WASF3: variants seen among roughly 807,000 people sequenced by gnomAD.
The protein encoded by WASF3 is actin-binding protein WASF3.
WASF3 carries 11 observed loss-of-function variants against 46.6 expected under a neutral mutation model. The ratio of observed to expected loss-of-function variants is 0.24; its 90% CI spans 0.15 to 0.39. WASF3 has a LOEUF of 0.39. WASF3 is among the 10% of genes least tolerant of loss of function. The probability of loss-of-function intolerance (pLI) is 1.00; values close to 1 mark genes in which losing one functional copy is unlikely to be tolerated. For synonymous variants in WASF3, 242 were observed against 259.7 expected (o/e 0.93, Z 0.65); for missense variants, 576 against 669.8 (o/e 0.86, Z 1.55).
chr13:26,662,333 C>T (rs761436043), intron 3 of WASF3, among the ~76,000 whole-genome samples: 7 of 152,108 alleles, frequency 4.6e-5, no homozygotes, highest in African/African-American at 9.7e-5. Context: ...GATCATTTTA[C>T]CAAAAAGACA....
At chr13:26,616,830 A>G (rs941382725) in intron 2 of WASF3, among the ~76,000 whole-genome samples, 5 of 152,174 alleles carry the variant, frequency 3.3e-5, no homozygotes, top group African/African-American at 9.7e-5. Flanking sequence ...TGCCATTCCA[A>G]TTGTCATCAG....
At position 26,687,631 on chromosome 13, in the gene WASF3, A is replaced by C. The variant is rs1357615863; in HGVS notation, c.*1786A>C. 1 of 151,862 alleles carries C rather than the reference A, an allele frequency of 6.6e-6. No individual in the cohort carries two copies. 9.4% of individuals were successfully genotyped at this position (151,862 alleles called of 1,614,324 possible). A position where few individuals can be genotyped will look rare whatever the true frequency, so the allele number is the denominator to read the frequency against. On this transcript the variant is annotated 3_prime_UTR_variant, in exon 10 of 10. Transcript: ENST00000335327. ...CGTCCTCTTCAGCGTCTTTTCCTAG[A>C]GCTGGTCACCACTAGGCTGTCACTA... is the stretch of plus-strand genomic sequence containing the variant.
chr13:26,681,400 T>A, intron 8 of WASF3, 80 bp downstream of exon 8: 1 of 1,470,256 alleles, frequency 6.8e-7, no homozygotes, highest in Non-Finnish European at 9.1e-7. Context: ...GAATTTTAAC[T>A]CCGGTATTTT....
At chr13:26,584,166 T>C (rs1329979470) in intron 1 of WASF3, among the ~76,000 whole-genome samples, 1 of 152,228 alleles carries the variant, frequency 6.6e-6, no homozygotes, top group Non-Finnish European at 1.5e-5. Context: ...CATCATAGAT[T>C]AATCACTTAG....
intron 2 of WASF3, among the ~76,000 whole-genome samples, chr13:26,614,303 A>G (rs1881068967): frequency 6.6e-6 from 1 of 152,218 alleles, no homozygotes; most frequent in Admixed American, 6.5e-5. Context: ...GTAATTTTTC[A>G]GGAATGTATC....
the WASF3 span, among the ~76,000 whole-genome samples, chr13:26,549,307 A>C: frequency 2.6e-5 from 4 of 151,988 alleles, no homozygotes; most frequent in African/African-American, 9.7e-5. Flanking sequence ...TTCTTGACTC[A>C]TGAGTATTGC....
At chr13:26,648,440 GGT>G (rs937955195) in intron 3 of WASF3, among the ~76,000 whole-genome samples, 6 of 152,118 alleles carry the variant, frequency 3.9e-5, no homozygotes, top group Non-Finnish European at 8.8e-5. Flanking sequence ...GAAATTTGGA[GGT>G]GTGTTAATTG....
At position 26,682,868 on chromosome 13, in the gene WASF3, G is replaced by A. The variant is rs148684191; in HGVS notation, c.1245G>A (p.Ser415=). 91 of 1,609,832 alleles carry A rather than the reference G, an allele frequency of 5.7e-5. No individual in the cohort carries two copies. The highest frequency in any genetic ancestry group is 1.6e-4 in the Middle Eastern group (1 of 6,080). The change falls in exon 9 of 10, where the codon TCG becomes TCA. Residue 415 remains serine, a synonymous_variant. Transcript: ENST00000335327. This position sits in a 1 kb window ranked among gnomAD's most constrained non-coding sequence, Gnocchi z 4.4. Reference sequence around the variant, plus strand: ...CTCCTGGTCCCGGGTCTTCTCTTTCGTCCTCCCCAATGCATGGCCCCCCAG... The same window carrying A: ...CTCCTGGTCCCGGGTCTTCTCTTTCATCCTCCCCAATGCATGGCCCCCCAG... The part of the protein sequence containing the change: ...PGPPGPGSSL[S]SSPMHGPPVA...
chr13:26,661,122 T>C (rs893657723), intron 3 of WASF3, among the ~76,000 whole-genome samples: 1 of 152,174 alleles, frequency 6.6e-6, no homozygotes, highest in African/African-American at 2.4e-5. Flanking sequence ...ACCTCCAACA[T>C]TGGGGATCAC....
At chr13:26,604,735 T>C (rs1350159546) in intron 1 of WASF3, among the ~76,000 whole-genome samples, 1 of 152,114 alleles carries the variant, frequency 6.6e-6, no homozygotes, top group Non-Finnish European at 1.5e-5. Flanking sequence ...CAGAGAAAAA[T>C]ACAAAGTAGT....
rs778704714 is a variant in WASF3, at chr13:26,637,704, A to G, written c.-10-4557A>G. On this transcript the variant is annotated intron_variant, in intron 2 of 9. Coordinates refer to ENST00000335327, the MANE Select transcript of WASF3 (RefSeq NM_006646.6). ...TCTGCATTATTGCCTTGGACATGAA[A>G]GGTATCCCTTCATTTGGACATTTTC... Among the ~76,000 whole-genome samples, 23 of 152,222 alleles carry G rather than the reference A, an allele frequency of 1.5e-4. 1 individual carries two copies. Among genetic ancestry groups the G allele is most frequent in the Non-Finnish European group, 2.6e-4 (18 of 68,044 alleles).
At chr13:26,579,632 A>C (rs549815134) in intron 1 of WASF3, among the ~76,000 whole-genome samples, 2 of 152,320 alleles carry the variant, frequency 1.3e-5, no homozygotes, top group South Asian at 4.1e-4. Context: ...TTCCTGAAAG[A>C]GAAAAAATAA....
At chr13:26,541,672 G>A in the WASF3 span, among the ~76,000 whole-genome samples, 2 of 151,420 alleles carry the variant, frequency 1.3e-5, no homozygotes, top group African/African-American at 4.9e-5. Context: ...TAGAAGAAAT[G>A]AGATCTCACT....
At chr13:26,635,361 A>G (rs1881786051) in intron 2 of WASF3, among the ~76,000 whole-genome samples, 1 of 152,098 alleles carries the variant, frequency 6.6e-6, no homozygotes, top group Non-Finnish European at 1.5e-5. Context: ...TCTTCTATAC[A>G]TTGTTTATTC....
At chr13:26,684,920 A>T (rs184975135) in intron 9 of WASF3, among the ~76,000 whole-genome samples, 1 of 152,136 alleles carries the variant, frequency 6.6e-6, no homozygotes, top group Non-Finnish European at 1.5e-5. Flanking sequence ...CTATCTCTAC[A>T]AAAAAGAAAA....
intron 3 of WASF3, among the ~76,000 whole-genome samples, chr13:26,645,652 A>G (rs1391709747): frequency 6.6e-6 from 1 of 152,052 alleles, no homozygotes; most frequent in South Asian, 2.1e-4. Context: ...ATTCTTTTAC[A>G]CACGTTGTCT....
chr13:26,670,469 A>ATG (rs977067469), intron 5 of WASF3, among the ~76,000 whole-genome samples: 1 of 152,166 alleles, frequency 6.6e-6, no homozygotes, highest in Non-Finnish European at 1.5e-5. Context: ...TGTTCTAAAC[A>ATG]TGTATCCCAG....
At chr13:26,607,851 G>T (rs973449225) in intron 1 of WASF3, among the ~76,000 whole-genome samples, 3 of 152,034 alleles carry the variant, frequency 2.0e-5, no homozygotes, top group Non-Finnish European at 2.9e-5. Context: ...GCCCAGGCTG[G>T]TCTCAAACTC....
chr13:26,618,201 C>T (rs981503443), intron 2 of WASF3, among the ~76,000 whole-genome samples: 1 of 152,180 alleles, frequency 6.6e-6, no homozygotes, highest in Non-Finnish European at 1.5e-5. Context: ...AAAATTAATA[C>T]TTTCTTGTCC....
Sources: allele counts gnomAD v4.1 joint callset (sites outside exome capture counted in the v4.1 genomes callset), GRCh38; gene constraint gnomAD v4.1.1; non-coding constraint Gnocchi (gnomAD v3.1); transcripts MANE v1.5; gene names NCBI Gene and HGNC (gene_info 2026-07-23, HGNC 2026-07-21).